The following NRG3 variants were observed in gnomAD, a reference collection of about 807,000 sequenced individuals.
NRG3 encodes pro-neuregulin-3, membrane-bound isoform.
NRG3 carries 31 observed loss-of-function variants against 66.9 expected under a neutral mutation model. The observed-to-expected ratio is 0.46, with a 90% CI of 0.35 to 0.63. The LOEUF (loss-of-function observed/expected upper bound fraction) is 0.63. Among genes scored for constraint, NRG3 ranks in the 20% least tolerant of loss-of-function variants. The probability of loss-of-function intolerance (pLI) is 0.00; values close to 1 mark genes in which losing one functional copy is unlikely to be tolerated. For missense variants in NRG3, 910 were observed against 878.9 expected, an observed-to-expected ratio of 1.04 and a Z score of -0.45; for synonymous variants, 393 against 359.4, an observed-to-expected ratio of 1.09 and a Z score of -1.06.
At chr10:82,348,367 C>G (rs1337544403) in intron 1 of NRG3, among the ~76,000 whole-genome samples, 1 of 145,542 alleles carries the variant, frequency 6.9e-6, no homozygotes, top group Non-Finnish European at 1.5e-5. Context: ...GTTGAAAATT[C>G]TTTTCTTTAA....
At chr10:82,526,436 G>T in intron 2 of NRG3, among the ~76,000 whole-genome samples, 1 of 151,712 alleles carries the variant, frequency 6.6e-6, no homozygotes, top group East Asian at 1.9e-4. Flanking sequence ...AAATGCTCTA[G>T]TTAAAAACAG....
intron 1 of NRG3, among the ~76,000 whole-genome samples, chr10:81,923,960 T>C (rs553950882): frequency 3.3e-5 from 5 of 152,180 alleles, no homozygotes; most frequent in Admixed American, 6.5e-5. Context: ...GCAGTCTTGT[T>C]GTATGTCTGC....
rs148704804 is a variant in NRG3, at chr10:82,250,935, C to T, written c.824-107804C>T. 2.4e-3 allele frequency among the ~76,000 whole-genome samples: 372 copies of T among 152,274 alleles called. 3 individuals carry two copies. The highest frequency in any genetic ancestry group is 1.1e-3 in the Non-Finnish European group (72 of 68,014). On this transcript the variant is annotated intron_variant, in intron 1 of 8. Coordinates refer to ENST00000372141, the MANE Select transcript of NRG3 (RefSeq NM_001010848.4). ...AGACAGATGCCAAGCTGCATTTGAT[C>T]GGCAGTCTTGTATATTTGACTGACA...
At chr10:82,028,587 G>A (rs1158108147) in intron 1 of NRG3, among the ~76,000 whole-genome samples, 1 of 151,858 alleles carries the variant, frequency 6.6e-6, no homozygotes, top group African/African-American at 2.4e-5. Context: ...TGATAGAAAC[G>A]CTTTGGGCTT....
intron 2 of NRG3, among the ~76,000 whole-genome samples, chr10:82,595,562 G>T (rs1590809369): frequency 6.6e-6 from 1 of 152,090 alleles, no homozygotes; most frequent in East Asian, 1.9e-4. Flanking sequence ...GAGGCAGGTG[G>T]ATCACAAGGT....
At chr10:82,554,528 C>T (rs2132931857) in intron 2 of NRG3, among the ~76,000 whole-genome samples, 1 of 152,238 alleles carries the variant, frequency 6.6e-6, no homozygotes, top group South Asian at 2.1e-4. Context: ...GGGCAAGGAG[C>T]CTGTTCTCAC....
chr10:82,701,106 ATC>A lies in NRG3; in HGVS notation c.954-37470_954-37469del, dbSNP rs544787049. 4.4e-4 allele frequency among the ~76,000 whole-genome samples: 67 copies of A among 152,106 alleles called. 1 individual carries two copies. The South Asian group carries it at 0.012, about 27-fold the overall frequency. On this transcript the variant is annotated intron_variant, in intron 2 of 8. Transcript: ENST00000372141. ...ATAAAGTCTTAAATACAAAACAAAT[ATC>A]AGTTATAACAATTGTATATATTTTA...
chr10:82,494,869 T>A (rs1843472168), intron 2 of NRG3, among the ~76,000 whole-genome samples: 1 of 152,136 alleles, frequency 6.6e-6, no homozygotes, highest in South Asian at 2.1e-4. Context: ...TGTGAGACAT[T>A]GGCAGCTAAG....
At chr10:82,589,636 T>G (rs1055743769) in intron 2 of NRG3, among the ~76,000 whole-genome samples, 1 of 152,068 alleles carries the variant, frequency 6.6e-6, no homozygotes, top group African/African-American at 2.4e-5. Flanking sequence ...ATTAAGTAGG[T>G]GGACAGGGGC....
chr10:82,192,334 T>C (rs2074193765), intron 1 of NRG3, among the ~76,000 whole-genome samples: 1 of 152,232 alleles, frequency 6.6e-6, no homozygotes, highest in African/African-American at 2.4e-5. Context: ...CAGTGGCACT[T>C]CACATTTATT....
chr10:82,754,827 C>T (rs2059015216), intron 3 of NRG3, among the ~76,000 whole-genome samples: 1 of 152,038 alleles, frequency 6.6e-6, no homozygotes, highest in Non-Finnish European at 1.5e-5. Flanking sequence ...AGGGGTGACT[C>T]ATTACTGGTG....
At chr10:82,275,921 G>T (rs1361158912) in intron 1 of NRG3, among the ~76,000 whole-genome samples, 1 of 151,870 alleles carries the variant, frequency 6.6e-6, no homozygotes, top group African/African-American at 2.4e-5. Context: ...CAAAGAAAAT[G>T]ATCACTTAAT....
intron 1 of NRG3, among the ~76,000 whole-genome samples, chr10:82,072,895 T>G (rs1045365855): frequency 6.6e-6 from 1 of 152,030 alleles, no homozygotes; most frequent in Admixed American, 6.6e-5. Flanking sequence ...GCCTTCTGAG[T>G]AGCTGGGACT....
At chr10:82,934,194 A>G (rs1235997276) in intron 4 of NRG3, among the ~76,000 whole-genome samples, 1 of 152,252 alleles carries the variant, frequency 6.6e-6, no homozygotes, top group Non-Finnish European at 1.5e-5. Flanking sequence ...ATGGGCATGT[A>G]GAAAAAACAG....
chr10:82,762,010 CTTTCTTTCT>C (rs2059347133), intron 3 of NRG3, among the ~76,000 whole-genome samples: 1 of 132,986 alleles, frequency 7.5e-6, no homozygotes. Flanking sequence ...TTCTCTCTTT[CTTTCTTTCT>C]TTTCTTTCTT....
At chr10:82,272,169 G>A (rs1021299093) in intron 1 of NRG3, among the ~76,000 whole-genome samples, 3 of 151,966 alleles carry the variant, frequency 2.0e-5, no homozygotes, top group African/African-American at 7.2e-5. Flanking sequence ...GAATTGTGGC[G>A]AGAGCTTTGG....
chr10:81,988,485 T>A (rs149849299), intron 1 of NRG3, among the ~76,000 whole-genome samples: 52 of 152,342 alleles, frequency 3.4e-4, no homozygotes, highest in African/African-American at 1.2e-3. Context: ...GCCTACCTAT[T>A]TTCCCTATCA....
At chr10:82,703,162 G>A (rs542117510) in intron 2 of NRG3, among the ~76,000 whole-genome samples, 2 of 152,036 alleles carry the variant, frequency 1.3e-5, no homozygotes, top group East Asian at 3.9e-4. Context: ...AGGGAACCTA[G>A]AAATTTTCTA....
intron 1 of NRG3, among the ~76,000 whole-genome samples, chr10:81,935,964 G>A (rs74487526): frequency 0.015 from 2,210 of 151,222 alleles, 29 homozygotes; most frequent in Middle Eastern, 0.028. Context: ...CAGCTCTCTG[G>A]GGGGAAGGAA....
Sources: gnomAD v4.1 joint callset for allele counts (sites outside exome capture counted in the v4.1 genomes callset) on GRCh38, gnomAD v4.1.1 for gene constraint, MANE v1.5 for transcripts, NCBI Gene and HGNC (gene_info 2026-07-23, HGNC 2026-07-21) for gene names.